MAN1A2: variants seen among roughly 807,000 people sequenced by gnomAD.
MAN1A2 encodes mannosidase alpha class 1A member 2.
Under a neutral mutation model 75.7 loss-of-function variants are expected in MAN1A2, and 26 were observed. The ratio of observed to expected loss-of-function variants is 0.34; its 90% CI spans 0.25 to 0.48. The LOEUF (loss-of-function observed/expected upper bound fraction) is 0.48. Among genes scored for constraint, MAN1A2 ranks in the 20% least tolerant of loss-of-function variants. MAN1A2 has a pLI of 0.99. For missense variants in MAN1A2, 562 were observed against 775.5 expected (o/e 0.72, Z 3.27); for synonymous variants, 247 against 264.6 (o/e 0.93, Z 0.65).
chr1:117,425,883 G>C (rs1362706203), intron 5 of MAN1A2, among the ~76,000 whole-genome samples: 2 of 151,960 alleles, frequency 1.3e-5, no homozygotes, highest in Non-Finnish European at 2.9e-5. Flanking sequence ...ATGCCTTTTT[G>C]TCTTCATTTC....
chr1:117,375,235 CA>C (rs1417690489), intron 1 of MAN1A2, among the ~76,000 whole-genome samples: 3 of 152,120 alleles, frequency 2.0e-5, no homozygotes, highest in Non-Finnish European at 4.4e-5. Context: ...ACTCCTGTGG[CA>C]CAATTTTCTT....
intron 12 of MAN1A2, among the ~76,000 whole-genome samples, chr1:117,518,443 C>G (rs1162740137): frequency 6.6e-6 from 1 of 151,480 alleles, no homozygotes; most frequent in Non-Finnish European, 1.5e-5. Context: ...ATGGATGGCC[C>G]ACATCTTTTA....
At chr1:117,485,627 G>T (rs1428689848) in intron 8 of MAN1A2, among the ~76,000 whole-genome samples, 1 of 151,866 alleles carries the variant, frequency 6.6e-6, no homozygotes, top group Admixed American at 6.6e-5. Context: ...GCAAAAACCA[G>T]ATATTTATTC....
intron 1 of MAN1A2, among the ~76,000 whole-genome samples, chr1:117,383,807 A>G (rs755446865): frequency 2.6e-5 from 4 of 151,720 alleles, no homozygotes; most frequent in Non-Finnish European, 4.4e-5. Context: ...TGCAGTGGTT[A>G]TTCACAGGTG....
chr1:117,466,247 G>C, intron 7 of MAN1A2, 87 bp from the exon 8 acceptor site: 1 of 840,328 alleles, frequency 1.2e-6, no homozygotes, highest in Non-Finnish European at 1.9e-6. Context: ...TAGATTCTGA[G>C]TAAGAAAAAA....
At chr1:117,522,779 T>A (rs539527052) in intron 12 of MAN1A2, 46 bp from the exon 13 acceptor site, 1 of 1,578,994 alleles carries the variant, frequency 6.3e-7, no homozygotes, top group Non-Finnish European at 8.7e-7. Context: ...CTTCATGTTC[T>A]TGTTGAATTC....
chr1:117,466,053 A>G (rs1165871629), intron 7 of MAN1A2, among the ~76,000 whole-genome samples: 1 of 152,172 alleles, frequency 6.6e-6, no homozygotes, highest in Non-Finnish European at 1.5e-5. Flanking sequence ...ATTTCTAGGT[A>G]GTAGCATGTT....
chr1:117,369,391 C>T (rs1305386491), intron 1 of MAN1A2, among the ~76,000 whole-genome samples: 3 of 152,000 alleles, frequency 2.0e-5, no homozygotes, highest in African/African-American at 4.8e-5. Flanking sequence ...CCATCTTTTC[C>T]TTGTTTCTTA....
At chr1:117,451,187 G>A (rs1265031715) in intron 6 of MAN1A2, among the ~76,000 whole-genome samples, 1 of 152,224 alleles carries the variant, frequency 6.6e-6, no homozygotes, top group Non-Finnish European at 1.5e-5. Flanking sequence ...TGTGAGACAT[G>A]GAGTCAAAGG....
At chr1:117,444,015 A>G (rs1485809503) in intron 6 of MAN1A2, among the ~76,000 whole-genome samples, 1 of 151,866 alleles carries the variant, frequency 6.6e-6, no homozygotes, top group Non-Finnish European at 1.5e-5. Context: ...ATAATCTATC[A>G]TATTTATCTT....
chr1:117,407,869 C>G (rs1418908349), intron 3 of MAN1A2, among the ~76,000 whole-genome samples: 1 of 152,122 alleles, frequency 6.6e-6, no homozygotes, highest in Non-Finnish European at 1.5e-5. Flanking sequence ...CTTCATACTA[C>G]CACAGCTGTG....
At chr1:117,453,412 A>G (rs1649483728) in intron 6 of MAN1A2, among the ~76,000 whole-genome samples, 1 of 152,194 alleles carries the variant, frequency 6.6e-6, no homozygotes, top group Admixed American at 6.5e-5. Flanking sequence ...GAGGAGGTCA[A>G]AGTATCAAAC....
chr1:117,445,868 G>A (rs6688396), intron 6 of MAN1A2, among the ~76,000 whole-genome samples: 18,056 of 87,322 alleles, frequency 0.21, 2,692 homozygotes, highest in East Asian at 0.35. Flanking sequence ...GTATGTGTGT[G>A]TGTGTCTGTG....
chr1:117,412,022 C>T (rs530392064), intron 3 of MAN1A2, among the ~76,000 whole-genome samples: 10 of 151,484 alleles, frequency 6.6e-5, no homozygotes, highest in African/African-American at 1.9e-4. Context: ...GATTTTTTTC[C>T]GCCAATGATA....
Position 117,522,978 on chromosome 1 carries a change from T to C in MAN1A2, c.*21T>C, listed in dbSNP as rs773774818. The C allele has an allele frequency of 6.2e-7, 1 of 1,609,136 alleles. No homozygotes were observed. Among genetic ancestry groups the C allele is most frequent in the Non-Finnish European group, 8.5e-7 (1 of 1,177,926 alleles). ...GATGAAAGCAGTTCCAGAAGGACCA[T>C]TCTCACCTGTGTTTTGTTTACATGG... On this transcript the variant is annotated 3_prime_UTR_variant, in exon 13 of 13. Transcript: ENST00000356554.
At chr1:117,492,009 G>A (rs1231218432) in intron 8 of MAN1A2, among the ~76,000 whole-genome samples, 1 of 152,086 alleles carries the variant, frequency 6.6e-6, no homozygotes, top group African/African-American at 2.4e-5. Context: ...TCTTGAGATG[G>A]AATCTACTCC....
chr1:117,479,622 T>A lies in MAN1A2; in HGVS notation c.1168+13195T>A, dbSNP rs541291404. Among the ~76,000 whole-genome samples the A allele has an allele frequency of 1.4e-4, 21 of 152,104 alleles. No individual in the cohort carries two copies. The East Asian group carries it at 3.9e-3, about 28-fold the overall frequency. On this transcript the variant is annotated intron_variant, in intron 8 of 12. Transcript: ENST00000356554. ...TCACCAGCATTTTTTATTTTTTGAC[T>A]TTTTAATAATCATTCTGACTGGTGT...
chr1:117,405,422 G>A (rs1647583860), intron 2 of MAN1A2, 127 bp from the exon 3 acceptor site: 1 of 653,562 alleles, frequency 1.5e-6, no homozygotes, highest in African/African-American at 1.8e-5. Context: ...AATGCTAATT[G>A]AATAATGTAC....
chr1:117,528,069 C>T lies in MAN1A2; in HGVS notation c.*5112C>T, dbSNP rs1180264140. On this transcript the variant is annotated 3_prime_UTR_variant, in exon 13 of 13. Transcript: ENST00000356554. Reference sequence around the variant, plus strand: ...AGTAAGTAGCATTATTTCAGAATGTCTATATGCATCATTTTCAACTAAAGC... The same window carrying T: ...AGTAAGTAGCATTATTTCAGAATGTTTATATGCATCATTTTCAACTAAAGC... The T allele has an allele frequency of 6.6e-6, 1 of 152,000 alleles. No homozygotes were observed. The highest frequency in any genetic ancestry group is 2.4e-5 in the African/African-American group (1 of 41,420). 9.4% of individuals were successfully genotyped at this position (152,000 alleles called of 1,614,324 possible). A position where few individuals can be genotyped will look rare whatever the true frequency, so the allele number is the denominator to read the frequency against.
Sources: gnomAD v4.1 joint callset for allele counts (sites outside exome capture counted in the v4.1 genomes callset) on GRCh38, gnomAD v4.1.1 for gene constraint, MANE v1.5 for transcripts, NCBI Gene and HGNC (gene_info 2026-07-23, HGNC 2026-07-21) for gene names.